Variants in PTPRG observed in about 807,000 individuals in gnomAD.
PTPRG encodes receptor-type tyrosine-protein phosphatase gamma.
A neutral mutation model predicts 165.3 loss-of-function variants in PTPRG; 102 were observed. The observed-to-expected ratio is 0.62, with a 90% CI of 0.53 to 0.73. The LOEUF (loss-of-function observed/expected upper bound fraction) is 0.73, where lower values mean the gene tolerates loss of function less well. PTPRG is among the 30% of genes least tolerant of loss of function. The pLI is 0.00. For synonymous variants in PTPRG, 675 were observed against 669.5 expected, an observed-to-expected ratio of 1.01 and a Z score of -0.13; for missense variants, 1,866 against 1,861.4, an observed-to-expected ratio of 1.00 and a Z score of -0.05.
intron 4 of PTPRG, among the ~76,000 whole-genome samples, chr3:62,069,496 C>T (rs13084153): frequency 0.25 from 38,126 of 152,010 alleles, 5,465 homozygotes; most frequent in East Asian, 0.47. Context: ...CAAAGAAGCT[C>T]AAAAAGTAAC....
intron 5 of PTPRG, among the ~76,000 whole-genome samples, chr3:62,104,032 C>T (rs1262308073): frequency 6.6e-6 from 1 of 152,192 alleles, no homozygotes; most frequent in East Asian, 1.9e-4. Context: ...GTTGTTAGCT[C>T]AGGGTCTAGA....
intron 4 of PTPRG, among the ~76,000 whole-genome samples, chr3:62,066,483 C>T (rs1701016498): frequency 6.7e-6 from 1 of 150,254 alleles, no homozygotes; most frequent in African/African-American, 2.4e-5. Flanking sequence ...AAGTACAAAG[C>T]AATTTCTAAA....
At chr3:61,600,608 C>G (rs528204155) in intron 1 of PTPRG, among the ~76,000 whole-genome samples, 1 of 152,260 alleles carries the variant, frequency 6.6e-6, no homozygotes, top group East Asian at 1.9e-4. Flanking sequence ...GGCACAATGA[C>G]AGCCCACTGC....
At chr3:61,850,899 A>G (rs986877451) in intron 2 of PTPRG, among the ~76,000 whole-genome samples, 2 of 152,152 alleles carry the variant, frequency 1.3e-5, no homozygotes, top group Admixed American at 6.5e-5. Flanking sequence ...GTACATCTCA[A>G]TTTTGCTTTC....
intron 2 of PTPRG, among the ~76,000 whole-genome samples, chr3:61,818,066 T>C (rs1241564760): frequency 2.3e-4 from 34 of 150,916 alleles, no homozygotes; most frequent in Admixed American, 2.2e-3. Context: ...GAGATCTACA[T>C]GTTAAGAACT....
At chr3:61,792,700 C>T in intron 2 of PTPRG, among the ~76,000 whole-genome samples, 1 of 92,070 alleles carries the variant, frequency 1.1e-5, no homozygotes, top group African/African-American at 5.8e-5. Flanking sequence ...TTCTTTCTTT[C>T]TTTCTTTCTT....
intron 3 of PTPRG, among the ~76,000 whole-genome samples, chr3:61,999,467 G>T (rs1363237783): frequency 6.6e-6 from 1 of 152,154 alleles, no homozygotes; most frequent in Non-Finnish European, 1.5e-5. Context: ...GTTTCAATTT[G>T]TGAGTTTCCA....
intron 1 of PTPRG, among the ~76,000 whole-genome samples, chr3:61,653,695 C>T (rs1702424515): frequency 6.6e-6 from 1 of 152,132 alleles, no homozygotes; most frequent in African/African-American, 2.4e-5. Context: ...GTGTTGTCCC[C>T]TGCCCTTTCA....
intron 13 of PTPRG, among the ~76,000 whole-genome samples, chr3:62,230,251 A>G (rs1383294911): frequency 6.6e-6 from 1 of 152,226 alleles, no homozygotes; most frequent in Non-Finnish European, 1.5e-5. Context: ...AGGGTGAAGA[A>G]AACCTAACAC....
At chr3:62,235,980 C>G (rs2106933533) in intron 14 of PTPRG, among the ~76,000 whole-genome samples, 1 of 152,308 alleles carries the variant, frequency 6.6e-6, no homozygotes, top group African/African-American at 2.4e-5. Context: ...TGACATTTGT[C>G]AAATCTCACG....
intron 8 of PTPRG, among the ~76,000 whole-genome samples, chr3:62,183,741 A>G (rs1445911157): frequency 6.6e-6 from 1 of 151,984 alleles, no homozygotes; most frequent in Non-Finnish European, 1.5e-5. Context: ...GACCCGAAGG[A>G]GTTGGAGGCT....
intron 1 of PTPRG, among the ~76,000 whole-genome samples, chr3:61,688,740 G>C (rs983758299): frequency 6.6e-6 from 1 of 152,218 alleles, no homozygotes; most frequent in Non-Finnish European, 1.5e-5. Context: ...TTTAAATTCT[G>C]TGTCCTTTGC....
chr3:62,201,446 A>G (rs1700093829), intron 10 of PTPRG, 59 bp from the exon 11 acceptor site: 33 of 1,340,584 alleles, frequency 2.5e-5, no homozygotes, highest in Non-Finnish European at 3.2e-5. Flanking sequence ...CATAAGGAAT[A>G]TCTTGTTAGA....
At position 62,086,931 on chromosome 3, in the gene PTPRG, A is replaced by G. The variant is rs868469017; in HGVS notation, c.615+8673A>G. 3.3e-5 allele frequency among the ~76,000 whole-genome samples: 5 copies of G among 152,358 alleles called. No homozygotes were observed. The South Asian group carries it at 6.2e-4, about 19-fold the overall frequency. The stretch of plus-strand genomic sequence containing the variant: ...CTCTTAGTGGACATTACAGAGGACT[A>G]TTTAATTATTGGCGAAGCATTACAT... On this transcript the variant is annotated intron_variant, in intron 5 of 29. Transcript: ENST00000474889.
At chr3:61,566,336 G>C (rs1282840216) in intron 1 of PTPRG, among the ~76,000 whole-genome samples, 1 of 152,238 alleles carries the variant, frequency 6.6e-6, no homozygotes, top group Non-Finnish European at 1.5e-5. Flanking sequence ...AGCCCTTTCA[G>C]ATTTGCCTTT....
chr3:62,228,837 C>G lies in PTPRG; in HGVS notation c.2289-2388C>G, dbSNP rs1020139566. On this transcript the variant is annotated intron_variant, in intron 13 of 29. Coordinates refer to ENST00000474889, the MANE Select transcript of PTPRG (RefSeq NM_002841.4). This position sits in a 1 kb window ranked among gnomAD's most constrained non-coding sequence, Gnocchi z 4.1. Reference sequence around the variant, plus strand: ...AAAACTTTGTCTAGTTTGGAAAACTCTGAGCTTCCAAGTCATTATTTTTGG... The same window carrying G: ...AAAACTTTGTCTAGTTTGGAAAACTGTGAGCTTCCAAGTCATTATTTTTGG... Among the ~76,000 whole-genome samples, 1 of 152,190 alleles carries G rather than the reference C, an allele frequency of 6.6e-6. No individual in the cohort carries two copies. The highest frequency in any genetic ancestry group is 1.5e-5 in the Non-Finnish European group (1 of 68,032).
intron 2 of PTPRG, among the ~76,000 whole-genome samples, chr3:61,763,175 A>C (rs2033908707): frequency 2.6e-5 from 4 of 152,088 alleles, no homozygotes; most frequent in Admixed American, 2.6e-4. Flanking sequence ...ATCTACCCCG[A>C]AGTAGAGGTC....
chr3:61,792,347 C>T (rs900392193), intron 2 of PTPRG, among the ~76,000 whole-genome samples: 5 of 152,072 alleles, frequency 3.3e-5, no homozygotes, highest in African/African-American at 4.8e-5. Context: ...CCCGTCACCC[C>T]TCCGTAGCTG....
chr3:62,119,743 C>G (rs890033742), intron 5 of PTPRG, among the ~76,000 whole-genome samples: 1 of 151,208 alleles, frequency 6.6e-6, no homozygotes, highest in Non-Finnish European at 1.5e-5. Flanking sequence ...GCCTCAGCCT[C>G]TCGAGTAGCT....
Sources: gnomAD v4.1 joint callset for allele counts (sites outside exome capture counted in the v4.1 genomes callset) on GRCh38, gnomAD v4.1.1 for gene constraint, Gnocchi (gnomAD v3.1) non-coding constraint, MANE v1.5 for transcripts, NCBI Gene and HGNC (gene_info 2026-07-23, HGNC 2026-07-21) for gene names.